Variants in ARL8B observed in about 807,000 individuals in gnomAD.
The protein encoded by ARL8B is ARF like GTPase 8B.
ARL8B carries 9 observed loss-of-function variants against 30.6 expected under a neutral mutation model. The observed-to-expected ratio is 0.29, with a 90% CI of 0.18 to 0.51. The LOEUF (loss-of-function observed/expected upper bound fraction) is 0.51, where lower values mean the gene tolerates loss of function less well. ARL8B is among the 20% of genes least tolerant of loss of function. ARL8B has a pLI of 0.97. For synonymous variants in ARL8B, 74 were observed against 76.0 expected (o/e 0.97, Z 0.14); for missense variants, 130 against 227.2 (o/e 0.57, Z 2.75).
chr3:5,122,342 C>T lies in ARL8B; in HGVS notation c.-124C>T, dbSNP rs552467131. ...CTGGCTGCTGCCGCCCGCCGGTGTC[C>T]GCCCGTGTCGCGCCGGGGCACCAAG... On this transcript the variant is annotated 5_prime_UTR_variant, in exon 1 of 7. Coordinates refer to ENST00000256496, the MANE Select transcript of ARL8B (RefSeq NM_018184.3). The T allele has an allele frequency of 7.1e-6, 11 of 1,543,232 alleles. No homozygotes were observed. The East Asian group carries it at 2.7e-4, about 38-fold the overall frequency.
At chr3:5,137,867 C>T (rs1377215802) in intron 1 of ARL8B, among the ~76,000 whole-genome samples, 1 of 152,164 alleles carries the variant, frequency 6.6e-6, no homozygotes, top group African/African-American at 2.4e-5. Flanking sequence ...GGATTACAGG[C>T]ACGAGCCACT....
intron 1 of ARL8B, among the ~76,000 whole-genome samples, chr3:5,133,611 A>G (rs1484339471): frequency 1.3e-5 from 2 of 152,058 alleles, no homozygotes; most frequent in Non-Finnish European, 2.9e-5. Context: ...TTTAGAAGAA[A>G]AAGGGATGAT....
intron 1 of ARL8B, among the ~76,000 whole-genome samples, chr3:5,141,375 T>C (rs1215950324): frequency 1.3e-5 from 2 of 152,234 alleles, no homozygotes; most frequent in African/African-American, 4.8e-5. Flanking sequence ...TTTACTTTCT[T>C]CCTTATAGGA....
At chr3:5,125,099 T>C (rs965390458) in intron 1 of ARL8B, among the ~76,000 whole-genome samples, 32 of 152,318 alleles carry the variant, frequency 2.1e-4, no homozygotes, top group Admixed American at 1.8e-3. Context: ...GAAATCTGGC[T>C]CTGCCGCTTA....
intron 1 of ARL8B, among the ~76,000 whole-genome samples, chr3:5,126,375 C>G (rs2054230097): frequency 6.6e-6 from 1 of 152,022 alleles, no homozygotes; most frequent in African/African-American, 2.4e-5. Flanking sequence ...GAAAGGTGAC[C>G]ATTTACTTAT....
At chr3:5,175,103 C>T (rs2054717364) in intron 6 of ARL8B, among the ~76,000 whole-genome samples, 2 of 152,064 alleles carry the variant, frequency 1.3e-5, no homozygotes, top group South Asian at 4.1e-4. Context: ...TATATGTTAT[C>T]AAACTCTTGA....
chr3:5,178,717 A>C lies in ARL8B; in HGVS notation c.*4A>C. The stretch of plus-strand genomic sequence containing the variant: ...TTCAAAATCTAGAAGAAGCTGAAGC[A>C]TCTCCTGAAGTCTTCCAGTCCTTCT... On this transcript the variant is annotated 3_prime_UTR_variant, in exon 7 of 7. Transcript: ENST00000256496. The C allele has an allele frequency of 6.2e-7, 1 of 1,611,492 alleles. No individual in the cohort carries two copies. Among genetic ancestry groups the C allele is most frequent in the Non-Finnish European group, 8.5e-7 (1 of 1,178,746 alleles).
chr3:5,169,078 T>A (rs1360417649), intron 1 of ARL8B, among the ~76,000 whole-genome samples: 3 of 152,204 alleles, frequency 2.0e-5, no homozygotes, highest in Non-Finnish European at 2.9e-5. Flanking sequence ...ACTAGTTTTT[T>A]AAAAATTTTG....
chr3:5,127,865 T>TC (rs1488499889), intron 1 of ARL8B, among the ~76,000 whole-genome samples: 1 of 86,786 alleles, frequency 1.2e-5, no homozygotes, highest in African/African-American at 4.8e-5. Flanking sequence ...AGAGCGAGAC[T>TC]CCGTCTCAAA....
intron 3 of ARL8B, 35 bp from the exon 4 acceptor site, chr3:5,172,612 G>T: frequency 7.3e-7 from 1 of 1,374,454 alleles, no homozygotes; most frequent in South Asian, 1.2e-5. Context: ...AAGGCATACA[G>T]AGAAGGTATG....
At position 5,154,309 on chromosome 3, in the gene ARL8B, A is replaced by T. The variant is rs538016809; in HGVS notation, c.124-16194A>T. Among the ~76,000 whole-genome samples the T allele has an allele frequency of 3.9e-3, 592 of 151,360 alleles. 3 individuals are homozygous for T. Among genetic ancestry groups the T allele is most frequent in the African/African-American group, 0.012 (492 of 41,246 alleles). The stretch of plus-strand genomic sequence containing the variant: ...CATTTCACAGTTTTGTTCATTTTTT[A>T]AAAAAAAATTTTATTGTGGTAAAAT... On this transcript the variant is annotated intron_variant, in intron 1 of 6. Transcript: ENST00000256496.
Position 5,168,191 on chromosome 3 carries a change from A to T in ARL8B, c.124-2312A>T, listed in dbSNP as rs147074573. 1.2e-4 allele frequency among the ~76,000 whole-genome samples: 19 copies of T among 152,214 alleles called. No homozygotes were observed. The East Asian group carries it at 3.7e-3, about 29-fold the overall frequency. On this transcript the variant is annotated intron_variant, in intron 1 of 6. Transcript: ENST00000256496. ...CAGGCTCAAGCAATCCTCCCACCTC[A>T]GCCTCCCTAGTAGCTGGGACTACAG... is the stretch of plus-strand genomic sequence containing the variant.
At chr3:5,154,527 C>T (rs758107707) in intron 1 of ARL8B, among the ~76,000 whole-genome samples, 5 of 151,888 alleles carry the variant, frequency 3.3e-5, no homozygotes, top group South Asian at 4.2e-4. Flanking sequence ...AGAGATGGGG[C>T]TTCACTATGT....
chr3:5,159,418 T>A (rs2054560799), intron 1 of ARL8B, among the ~76,000 whole-genome samples: 1 of 149,890 alleles, frequency 6.7e-6, no homozygotes, highest in South Asian at 2.1e-4. Context: ...GCCTGACCAA[T>A]ATGGAGAAAC....
At chr3:5,162,611 T>A (rs1431595166) in intron 1 of ARL8B, among the ~76,000 whole-genome samples, 7 of 152,226 alleles carry the variant, frequency 4.6e-5, no homozygotes, top group Non-Finnish European at 1.5e-5. Flanking sequence ...ATTATATCAC[T>A]AAGGAATTTT....
rs775906506 is a variant in ARL8B at position 5,172,152 on chromosome 3, C to T, written c.207C>T (p.Ile69=). Residue 69 remains isoleucine (I), a splice_region_variant and synonymous_variant, in exon 3 of 7, where the codon ATC becomes ATT. Coordinates refer to ENST00000256496, the MANE Select transcript of ARL8B (RefSeq NM_018184.3). The stretch of plus-strand genomic sequence containing the variant: ...AATTGCCTTGTTTTGATTTAAAGAT[C>T]TGGGACATAGGAGGACAACCCCGAT... ...KVTKGNVTIK[I]WDIGGQPRFR... The T allele has an allele frequency of 1.9e-6, 3 of 1,612,882 alleles. No homozygotes were observed. Among genetic ancestry groups the T allele is most frequent in the Admixed American group, 3.3e-5 (2 of 59,988 alleles).
intron 1 of ARL8B, among the ~76,000 whole-genome samples, chr3:5,149,906 C>T (rs903351205): frequency 1.3e-5 from 2 of 152,208 alleles, no homozygotes; most frequent in African/African-American, 2.4e-5. Flanking sequence ...AAGGTCTTGA[C>T]CCCAATTGCA....
chr3:5,160,463 A>G (rs1457005520), intron 1 of ARL8B, among the ~76,000 whole-genome samples: 1 of 152,246 alleles, frequency 6.6e-6, no homozygotes, highest in East Asian at 1.9e-4. Context: ...TTTCAGGAGT[A>G]GAGGTAAGCA....
intron 1 of ARL8B, among the ~76,000 whole-genome samples, chr3:5,136,120 T>C (rs1370507332): frequency 1.4e-5 from 2 of 141,352 alleles, no homozygotes; most frequent in African/African-American, 5.7e-5. Context: ...ATTATGTATA[T>C]TTTTGAGATG....
Sources: allele counts gnomAD v4.1 joint callset (sites outside exome capture counted in the v4.1 genomes callset), GRCh38; gene constraint gnomAD v4.1.1; transcripts MANE v1.5; gene names NCBI Gene and HGNC (gene_info 2026-07-23, HGNC 2026-07-21).